Variants in PHKA1 observed in about 807,000 individuals in gnomAD.
PHKA1 encodes phosphorylase b kinase regulatory subunit alpha, skeletal muscle isoform.
A neutral mutation model predicts 110.2 loss-of-function variants in PHKA1; 60 were observed. The observed-to-expected ratio is 0.54, with a 90% confidence interval of 0.44 to 0.68. The LOEUF (loss-of-function observed/expected upper bound fraction) is 0.68. PHKA1 is among the 30% of genes least tolerant of loss of function. PHKA1 has a pLI of 0.00. For missense variants in PHKA1, 801 were observed against 942.5 expected, an observed-to-expected ratio of 0.85 and a Z score of 1.97; for synonymous variants, 316 against 333.6, an observed-to-expected ratio of 0.95 and a Z score of 0.58.
At chrX:72,628,378 C>A (rs1035988036) in intron 16 of PHKA1, among the ~76,000 whole-genome samples, 2 of 108,610 alleles carry the variant, frequency 1.8e-5, no homozygotes, top group Admixed American at 2.0e-4. Context: ...TTACCCTTTT[C>A]GCTCTCATAT....
At position 72,605,608 on chromosome X, in the gene PHKA1, T is replaced by C. The variant is rs138561213; in HGVS notation, c.2618A>G (p.Tyr873Cys). ...REKTISAPLP[Y>C]EALTQLIDEA... ...ATCTATCAGCTGAGTGAGCGCCTCATAGGGCAGAGGTCTAAGGAAAAAGAC... is the reference window on the plus strand; with the variant it reads ...ATCTATCAGCTGAGTGAGCGCCTCACAGGGCAGAGGTCTAAGGAAAAAGAC... The change falls in exon 24 of 32, where the codon TAT becomes TGT. Residue 873 changes from tyrosine (Y) to cysteine (C), a missense_variant. Transcript: ENST00000373542. The C allele has an allele frequency of 5.0e-6, 6 of 1,198,250 alleles. No individual in the cohort carries two copies. The highest frequency in any genetic ancestry group is 3.5e-5 in the African/African-American group (2 of 57,089).
intron 25 of PHKA1, among the ~76,000 whole-genome samples, chrX:72,604,237 G>C (rs1216497163): frequency 9.0e-6 from 1 of 111,042 alleles, no homozygotes. Context: ...GGTGGACTCA[G>C]ACTCAAATTC....
chrX:72,606,590 G>T (rs2052732216), intron 23 of PHKA1, among the ~76,000 whole-genome samples: 1 of 110,252 alleles, frequency 9.1e-6, no homozygotes, highest in Non-Finnish European at 1.9e-5. Context: ...ATTTTTGTGG[G>T]TCTATAGTGG....
chrX:72,601,501 G>C (rs2052656744), intron 28 of PHKA1, among the ~76,000 whole-genome samples: 1 of 111,048 alleles, frequency 9.0e-6, no homozygotes, highest in African/African-American at 3.3e-5. Flanking sequence ...AGGGTGATTG[G>C]ACATCACCTG....
At chrX:72,661,747 A>G (rs1279319657) in intron 8 of PHKA1, among the ~76,000 whole-genome samples, 1 of 108,493 alleles carries the variant, frequency 9.2e-6, no homozygotes, top group Non-Finnish European at 1.9e-5. Context: ...TACTGACAAA[A>G]AAAAAAAAAA....
At chrX:72,592,016 G>C (rs781804115) in intron 29 of PHKA1, among the ~76,000 whole-genome samples, 5 of 111,562 alleles carry the variant, frequency 4.5e-5, no homozygotes, top group African/African-American at 1.3e-4. Flanking sequence ...TAACATTCTA[G>C]ATACTTTGCT....
intron 8 of PHKA1, among the ~76,000 whole-genome samples, chrX:72,662,353 C>T (rs143266026): frequency 0.012 from 1,378 of 111,808 alleles, 27 homozygotes; most frequent in African/African-American, 0.042. Context: ...ACCAACCCCA[C>T]ACAGGTGGCT....
rs1167913898 is a variant in PHKA1 at position 72,713,808 on chromosome X, G to A, written c.73C>T (p.His25Tyr). The A allele has an allele frequency of 1.7e-6, 2 of 1,198,319 alleles. No individual in the cohort carries two copies. The highest frequency in any genetic ancestry group is 3.5e-5 in the African/African-American group (2 of 56,985). Reference protein sequence around the residue: ...ARLVQQTILCHQNPVTGLLPA... With the variant: ...ARLVQQTILCYQNPVTGLLPA... ...AGAGACACCCCTGCAGTTACCTGAT[G>A]GCACAGGATGGTCTGTTGCACCAGT... The change falls in exon 1 of 32, where the codon CAT becomes TAT. Residue 25 changes from histidine (H) to tyrosine (Y), a missense_variant. This residue lies in a region of PHKA1 where 299 missense variants were observed against 423.3 expected (regional missense o/e 0.71). Coordinates refer to ENST00000373542, the MANE Select transcript of PHKA1 (RefSeq NM_002637.4).
At chrX:72,609,896 C>T (rs1439166179) in intron 22 of PHKA1, among the ~76,000 whole-genome samples, 193 bp from the exon 23 acceptor site, 2 of 111,508 alleles carry the variant, frequency 1.8e-5, no homozygotes, top group Non-Finnish European at 3.8e-5. Flanking sequence ...CATCTATCTC[C>T]TAGAAAGTAG....
chrX:72,712,376 C>T (rs2147853705), intron 2 of PHKA1: 1 of 184,515 alleles, frequency 5.4e-6, no homozygotes, highest in Non-Finnish European at 1.0e-5. Flanking sequence ...TGTCATTTAC[C>T]CTCATACAAA....
chrX:72,707,421 A>G (rs1355667487), intron 2 of PHKA1, among the ~76,000 whole-genome samples: 2 of 111,945 alleles, frequency 1.8e-5, no homozygotes, highest in African/African-American at 6.5e-5. Context: ...AGTTATCTCA[A>G]ATATATAAAT....
chrX:72,581,101 A>G lies in PHKA1; in HGVS notation c.3573T>C (p.Ser1191=), dbSNP rs781905393. The G allele has an allele frequency of 7.5e-6, 9 of 1,194,061 alleles. No homozygotes were observed. The East Asian group carries it at 2.7e-4, about 35-fold the overall frequency. The change falls in exon 32 of 32, where the codon AGT becomes AGC. Residue 1191 remains serine (S), a synonymous_variant. Transcript: ENST00000373542. ...TGGTGCCAAACCTGCCACTGGGTGCACTGTCATACAGAAGAGTACAGATGC... is the reference window on the plus strand; with the variant it reads ...TGGTGCCAAACCTGCCACTGGGTGCGCTGTCATACAGAAGAGTACAGATGC... ...ASGICTLLYD[S]APSGRFGTMT... is the part of the protein sequence containing the mutation.
chrX:72,610,846 T>A (rs1470867454), intron 22 of PHKA1, among the ~76,000 whole-genome samples, 182 bp downstream of exon 22: 2 of 112,008 alleles, frequency 1.8e-5, no homozygotes, highest in Non-Finnish European at 3.8e-5. Flanking sequence ...GTTTATAACA[T>A]TTTATAAATC....
In PHKA1 at chrX:72,714,109, C is replaced by T. The variant is rs782474797; in HGVS notation, c.-229G>A. Reference sequence around the variant, plus strand: ...ACGCGCCAGCGCTAGCACTGGCTTCCCGCGGTCTAGAGCCCCGCCGCAGCG... The same window carrying T: ...ACGCGCCAGCGCTAGCACTGGCTTCTCGCGGTCTAGAGCCCCGCCGCAGCG... On this transcript the variant is annotated 5_prime_UTR_variant, in exon 1 of 32. Coordinates refer to ENST00000373542, the MANE Select transcript of PHKA1 (RefSeq NM_002637.4). 8.3e-3 allele frequency: 3,528 copies of T among 426,364 alleles called. 203 individuals are homozygous for T. The Admixed American group carries it at 0.11, about 14-fold the overall frequency. 35.1% of individuals were successfully genotyped at this position (426,364 alleles called of 1,213,427 possible). A position where few individuals can be genotyped will look rare whatever the true frequency, so the allele number is the denominator to read the frequency against.
intron 17 of PHKA1, among the ~76,000 whole-genome samples, chrX:72,625,001 C>T (rs1366788991): frequency 2.7e-5 from 3 of 112,339 alleles, no homozygotes; most frequent in Non-Finnish European, 5.6e-5. Context: ...AACATGTGAT[C>T]TTTGATTGGA....
chrX:72,643,696 T>C (rs1408255232), intron 14 of PHKA1, among the ~76,000 whole-genome samples: 2 of 111,804 alleles, frequency 1.8e-5, no homozygotes, highest in African/African-American at 3.2e-5. Context: ...TGTGATTACA[T>C]TTAGGGACCA....
At chrX:72,594,024 A>C (rs1334545435) in intron 28 of PHKA1, among the ~76,000 whole-genome samples, 4 of 111,654 alleles carry the variant, frequency 3.6e-5, no homozygotes, top group Non-Finnish European at 7.5e-5. Flanking sequence ...GAAATTTACA[A>C]ATGTGGAAAT....
At chrX:72,621,837 G>T (rs2052983648) in intron 18 of PHKA1, 1 of 748,363 alleles carries the variant, frequency 1.3e-6, no homozygotes, top group Non-Finnish European at 1.6e-6. Flanking sequence ...GGGCTGGCAA[G>T]CAATAAATAC....
chrX:72,682,023 G>T (rs1556315906), intron 5 of PHKA1, among the ~76,000 whole-genome samples: 2 of 89,622 alleles, frequency 2.2e-5, no homozygotes, highest in Non-Finnish European at 4.5e-5. Context: ...GTCCGGGAGG[G>T]AGGTGGGGGG....
Sources: gnomAD v4.1 joint callset for allele counts (sites outside exome capture counted in the v4.1 genomes callset) on GRCh38, gnomAD v4.1.1 for gene constraint, gnomAD v4.1.1 regional missense constraint, MANE v1.5 for transcripts, NCBI Gene and HGNC (gene_info 2026-07-23, HGNC 2026-07-21) for gene names.